Variants in SIL1 observed in about 807,000 individuals in gnomAD.
SIL1 encodes nucleotide exchange factor SIL1.
Under a neutral mutation model 49.1 loss-of-function variants are expected in SIL1, and 40 were observed. That is an observed-to-expected ratio of 0.81 (90% CI 0.63 to 1.06). The LOEUF (loss-of-function observed/expected upper bound fraction) is 1.06. Among genes scored for constraint, SIL1 ranks in the 50% least tolerant of loss-of-function variants. The pLI, the probability that SIL1 is intolerant of heterozygous loss-of-function variation, is 0.00. For missense variants in SIL1, 500 were observed against 572.6 expected (o/e 0.87, Z 1.29); for synonymous variants, 253 against 250.8 (o/e 1.01, Z -0.08).
chr5:139,145,039 G>A lies in SIL1; in HGVS notation c.-10-17186C>T, dbSNP rs150113947. ...TTTTTAAAATTTTTGTGCAAAGGAC[G>A]CGATCAAGAGAATGAAAAGACAAGG... On this transcript the variant is annotated intron_variant, in intron 1 of 9. Coordinates refer to ENST00000394817, the MANE Select transcript of SIL1 (RefSeq NM_022464.5). Among the ~76,000 whole-genome samples, 138 of 152,180 alleles carry A rather than the reference G, an allele frequency of 9.1e-4. 1 individual carries two copies. Among genetic ancestry groups the A allele is most frequent in the African/African-American group, 3.1e-3 (127 of 41,502 alleles).
chr5:138,973,047 C>T (rs536542879), intron 7 of SIL1, among the ~76,000 whole-genome samples: 19 of 152,230 alleles, frequency 1.2e-4, no homozygotes, highest in African/African-American at 4.3e-4. Flanking sequence ...AGGAGCGACA[C>T]CTGCCTGCCA....
chr5:138,947,394 A>G lies in SIL1; in HGVS notation c.1109T>C (p.Leu370Pro). 6.2e-7 allele frequency: 1 copy of G among 1,613,632 alleles called. No homozygotes were observed. Among genetic ancestry groups the G allele is most frequent in the Non-Finnish European group, 8.5e-7 (1 of 1,180,022 alleles). The change falls in exon 10 of 10, where the codon CTG (leucine) becomes CCG (proline). Residue 370 changes from leucine (L) to proline (P), a missense_variant. Leu to Pro is a moderately conservative substitution (Grantham distance 98). Transcript: ENST00000394817. This position sits in a 1 kb window ranked among gnomAD's most constrained non-coding sequence, Gnocchi z 4.1. ...KLQQYRQVHL[L>P]PGLWEQGWCE... ...CCAGCCCTGTTCCCACAGGCCTGGC[A>G]GGAGGTGTACCTGGCGATACTGCTG... is the stretch of plus-strand genomic sequence containing the variant.
At chr5:139,042,539 C>T (rs1212893321) in intron 5 of SIL1, 81 bp downstream of exon 5, 42 of 1,129,384 alleles carry the variant, frequency 3.7e-5, no homozygotes, top group Non-Finnish European at 5.1e-5. Context: ...TGCAAGAGTT[C>T]CCATAAAAAT....
At chr5:139,156,388 A>G (rs990819133) in intron 1 of SIL1, among the ~76,000 whole-genome samples, 4 of 137,422 alleles carry the variant, frequency 2.9e-5, no homozygotes, top group African/African-American at 1.0e-4. Flanking sequence ...GAACCTATAA[A>G]TGTTACCTTA....
chr5:139,170,113 C>G (rs1052189594), intron 1 of SIL1, among the ~76,000 whole-genome samples: 38 of 152,360 alleles, frequency 2.5e-4, no homozygotes, highest in African/African-American at 8.2e-4. Flanking sequence ...GAGTGATCCG[C>G]CAGCCTCGGC....
chr5:139,030,698 C>A (rs761903893), intron 5 of SIL1, among the ~76,000 whole-genome samples: 4 of 151,510 alleles, frequency 2.6e-5, no homozygotes, highest in Admixed American at 6.6e-5. Flanking sequence ...AAAACATAGA[C>A]CATTTCCGGG....
chr5:139,132,274 C>G (rs1271171373), intron 1 of SIL1, among the ~76,000 whole-genome samples: 1 of 152,204 alleles, frequency 6.6e-6, no homozygotes, highest in Admixed American at 6.5e-5. Flanking sequence ...CAGCTTCCCC[C>G]ACTCCTTGGA....
intron 7 of SIL1, among the ~76,000 whole-genome samples, chr5:139,013,239 G>C (rs561272692): frequency 1.3e-5 from 2 of 152,170 alleles, no homozygotes; most frequent in Admixed American, 6.5e-5. Flanking sequence ...TCTATCAAGA[G>C]TGCTTCCTAT....
chr5:139,144,674 C>A (rs1751157468), intron 1 of SIL1, among the ~76,000 whole-genome samples: 1 of 152,144 alleles, frequency 6.6e-6, no homozygotes, highest in East Asian at 1.9e-4. Flanking sequence ...AGTTCGAAAC[C>A]AGCCTGGCCA....
At chr5:139,051,682 G>T (rs1278500605) in intron 3 of SIL1, among the ~76,000 whole-genome samples, 1 of 152,224 alleles carries the variant, frequency 6.6e-6, no homozygotes, top group African/African-American at 2.4e-5. Context: ...AGACTGGAAG[G>T]CAAGAGGACA....
intron 7 of SIL1, among the ~76,000 whole-genome samples, chr5:138,977,771 C>T (rs1197149921): frequency 1.3e-5 from 2 of 152,170 alleles, no homozygotes; most frequent in Non-Finnish European, 2.9e-5. Flanking sequence ...CTGCCAACTT[C>T]GCCAACCTCA....
chr5:138,961,351 A>G (rs1767016243), intron 7 of SIL1, among the ~76,000 whole-genome samples: 1 of 152,248 alleles, frequency 6.6e-6, no homozygotes, highest in Admixed American at 6.5e-5. Context: ...CACTTTTTGT[A>G]CACTCCTGGT....
intron 1 of SIL1, among the ~76,000 whole-genome samples, chr5:139,165,922 C>T (rs1021020493): frequency 2.0e-5 from 3 of 152,056 alleles, no homozygotes; most frequent in African/African-American, 7.2e-5. Flanking sequence ...CTAGGCCTCC[C>T]AAAGTGCTGG....
intron 3 of SIL1, among the ~76,000 whole-genome samples, chr5:139,096,849 G>A (rs916065468): frequency 5.3e-5 from 8 of 151,964 alleles, no homozygotes; most frequent in African/African-American, 1.9e-4. Flanking sequence ...CTCTGAGACA[G>A]CTCAGCCACA....
chr5:138,967,188 C>A (rs1767163959), intron 7 of SIL1, among the ~76,000 whole-genome samples: 1 of 152,208 alleles, frequency 6.6e-6, no homozygotes, highest in African/African-American at 2.4e-5. Context: ...GGAGGAATTA[C>A]TCTAAAGCAG....
intron 3 of SIL1, among the ~76,000 whole-genome samples, chr5:139,096,189 T>G (rs138144785): frequency 9.9e-5 from 15 of 152,086 alleles, no homozygotes; most frequent in Non-Finnish European, 1.8e-4. Flanking sequence ...TTAGAGCAGA[T>G]AGAAAAACTG....
chr5:139,140,269 C>CAAAA (rs77102723), intron 1 of SIL1, among the ~76,000 whole-genome samples: 1 of 104,030 alleles, frequency 9.6e-6, no homozygotes, highest in Admixed American at 1.0e-4. Flanking sequence ...GACTCTGTCT[C>CAAAA]AAAAAAAAAA....
intron 7 of SIL1, among the ~76,000 whole-genome samples, chr5:139,010,975 C>T (rs1188764473): frequency 6.7e-6 from 1 of 148,474 alleles, no homozygotes; most frequent in South Asian, 2.2e-4. Context: ...CCTCCTTGAG[C>T]TGTGGTGGGC....
chr5:139,127,709 G>C (rs1195170224), intron 2 of SIL1, 30 bp downstream of exon 2: 1 of 1,568,250 alleles, frequency 6.4e-7, no homozygotes, highest in Admixed American at 1.8e-5. Context: ...CTCATCAAGG[G>C]TCCCTCCCAT....
Sources: allele counts gnomAD v4.1 joint callset (sites outside exome capture counted in the v4.1 genomes callset), GRCh38; gene constraint gnomAD v4.1.1; non-coding constraint Gnocchi (gnomAD v3.1); transcripts MANE v1.5; gene names NCBI Gene and HGNC (gene_info 2026-07-23, HGNC 2026-07-21).